COL20A1: variants seen among roughly 807,000 people sequenced by gnomAD.
The protein encoded by COL20A1 is collagen type XX alpha 1 chain.
In COL20A1, 164 loss-of-function variants were observed where a neutral mutation model predicts 152.9. That is an observed-to-expected ratio of 1.07 (90% CI 0.94 to 1.22). The LOEUF is 1.22. Ranked by LOEUF, COL20A1 falls within the 50% of genes most tolerant of loss-of-function variation. The pLI is 0.00. For missense variants in COL20A1, 1,873 were observed against 1,744.8 expected, an observed-to-expected ratio of 1.07 and a Z score of -1.31; for synonymous variants, 864 against 756.0, an observed-to-expected ratio of 1.14 and a Z score of -2.34.
Position 63,312,819 on chromosome 20 carries a change from C to T in COL20A1, c.1961C>T (p.Ser654Phe). 3.8e-6 allele frequency: 6 copies of T among 1,562,938 alleles called. No homozygotes were observed. The highest frequency in any genetic ancestry group is 5.2e-6 in the Non-Finnish European group (6 of 1,153,358). Residue 654 changes from serine to phenylalanine, a missense_variant, in exon 16 of 36, where the codon TCC (serine) becomes TTC (phenylalanine). By Grantham distance (155) the Ser-to-Phe change is radical (BLOSUM62 -2). Coordinates refer to ENST00000358894, the MANE Select transcript of COL20A1 (RefSeq NM_020882.4). ...TKKAPSPSQL[S>F]MTELPGDAVQ... ...AAAGCTCCCAGCCCAAGCCAGCTGT[C>T]CATGACGGAGCTGCCAGGGGATGCA...
At position 63,319,026 on chromosome 20, in the gene COL20A1, T is replaced by C; in HGVS notation, c.2664-32T>C. ...CAGGTTTGGCTGCCCTTGGGTCTGC[T>C]CATGTGCCTCTCCCTCCCCCAACCC... On this transcript the variant is annotated intron_variant, in intron 21 of 35. Transcript: ENST00000358894. This position sits in a 1 kb window ranked among gnomAD's most constrained non-coding sequence, Gnocchi z 4.4. 2 of 1,582,608 alleles carry C rather than the reference T, an allele frequency of 1.3e-6. No homozygotes were observed. The highest frequency in any genetic ancestry group is 1.7e-6 in the Non-Finnish European group (2 of 1,153,358).
Position 63,326,838 on chromosome 20 carries a change from A to G in COL20A1, c.3528+15A>G. On this transcript the variant is annotated intron_variant, in intron 31 of 35. Transcript: ENST00000358894. ...TGGGGCCCACAGTAAGTGCATTTCCAACACCCACCAGCCAACCAAAGGTGG... is the reference window on the plus strand; with the variant it reads ...TGGGGCCCACAGTAAGTGCATTTCCGACACCCACCAGCCAACCAAAGGTGG... The G allele has an allele frequency of 6.7e-7, 1 of 1,487,414 alleles. No homozygotes were observed. Among genetic ancestry groups the G allele is most frequent in the Non-Finnish European group, 8.9e-7 (1 of 1,128,524 alleles). 92.1% of individuals were successfully genotyped at this position (1,487,414 alleles called of 1,614,324 possible).
chr20:63,312,647 G>A (rs1457173505), intron 15 of COL20A1, 98 bp downstream of exon 15: 2 of 1,477,528 alleles, frequency 1.4e-6, no homozygotes, highest in East Asian at 2.3e-5. Context: ...AGCCTGCCCT[G>A]GGTCAGTGCT....
chr20:63,328,217 A>AG, intron 33 of COL20A1, 90 bp downstream of exon 33: 1 of 1,569,092 alleles, frequency 6.4e-7, no homozygotes, highest in South Asian at 1.1e-5. Flanking sequence ...AGGCCGAGGG[A>AG]GGCCGCCTTC....
chr20:63,325,359 C>T (rs758872994), intron 27 of COL20A1, 82 bp from the exon 28 acceptor site: 1 of 1,056,812 alleles, frequency 9.5e-7, no homozygotes, highest in Non-Finnish European at 1.5e-6. Context: ...AGTCCAGGGG[C>T]CTGTGGTAGG....
In COL20A1 at chr20:63,311,744, G is replaced by A. The variant is rs1311610527; in HGVS notation, c.1659G>A (p.Arg553=). The change falls in exon 13 of 36, where the codon AGG becomes AGA. Residue 553 remains arginine (R), a synonymous_variant. Coordinates refer to ENST00000358894, the MANE Select transcript of COL20A1 (RefSeq NM_020882.4). This position sits in a 1 kb window ranked among gnomAD's most constrained non-coding sequence, Gnocchi z 4.4. ...GCGAGGCCCGGGGCATCCGTGCCAG[G>A]ACCCGTGAGTGCTCCAACCCCGGCT... ...EGSEARGIRA[R]TPTLAPPRHL... is the part of the protein sequence containing the mutation. 11 of 1,590,856 alleles carry A rather than the reference G, an allele frequency of 6.9e-6. No individual in the cohort carries two copies. The African/African-American group carries it at 1.5e-4, about 21-fold the overall frequency.
At chr20:63,300,339 T>G (rs2067849475) in intron 3 of COL20A1, among the ~76,000 whole-genome samples, 1 of 152,144 alleles carries the variant, frequency 6.6e-6, no homozygotes, top group South Asian at 2.1e-4. Context: ...CTTCTGGGCT[T>G]GTGGTGTGTG....
chr20:63,310,370 C>G lies in COL20A1; in HGVS notation c.1264-11C>G. 1.2e-6 allele frequency: 2 copies of G among 1,610,872 alleles called. No individual in the cohort carries two copies. Among genetic ancestry groups the G allele is most frequent in the Non-Finnish European group, 1.7e-6 (2 of 1,179,200 alleles). On this transcript the variant is annotated splice_polypyrimidine_tract_variant and intron_variant, in intron 10 of 35. Coordinates refer to ENST00000358894, the MANE Select transcript of COL20A1 (RefSeq NM_020882.4). Reference sequence around the variant, plus strand: ...CCCTTCCTGGCTCCGTCCTTGCCCACTCTGTTCCAGGTGGTGGTGGAGGGA... The same window carrying G: ...CCCTTCCTGGCTCCGTCCTTGCCCAGTCTGTTCCAGGTGGTGGTGGAGGGA...
intron 34 of COL20A1, among the ~76,000 whole-genome samples, chr20:63,328,980 G>A (rs1353711084): frequency 6.6e-6 from 1 of 152,162 alleles, no homozygotes; most frequent in Non-Finnish European, 1.5e-5. Flanking sequence ...TGACTTGGAC[G>A]CTGAGATGGA....
At chr20:63,297,829 G>T in intron 2 of COL20A1, 81 bp from the exon 3 acceptor site, 2 of 1,071,200 alleles carry the variant, frequency 1.9e-6, no homozygotes, top group Non-Finnish European at 2.8e-6. Context: ...AATGCTGAGG[G>T]CAGGATGCCT....
chr20:63,322,059 G>A lies in COL20A1; in HGVS notation c.3242G>A (p.Gly1081Asp). The A allele has an allele frequency of 2.7e-6, 4 of 1,507,902 alleles. No homozygotes were observed. The highest frequency in any genetic ancestry group is 3.5e-6 in the Non-Finnish European group (4 of 1,131,328). 93.4% of individuals were successfully genotyped at this position (1,507,902 alleles called of 1,614,324 possible). ...PGPPGPQGPP[G>D]LPGRNGTPGE... is the part of the protein sequence containing the mutation. ...TTAGCCCTGTTTGTGCCTCTGCAGG[G>A]CCTCCCTGGGAGGAATGGCACCCCA... The change falls in exon 27 of 36, where the codon GGC (glycine) becomes GAC (aspartate). Residue 1081 changes from glycine to aspartate, a missense_variant and splice_region_variant. Coordinates refer to ENST00000358894, the MANE Select transcript of COL20A1 (RefSeq NM_020882.4).
At position 63,319,924 on chromosome 20, in the gene COL20A1, C is replaced by A; in HGVS notation, c.2917-115C>A. 1 of 1,056,320 alleles carries A rather than the reference C, an allele frequency of 9.5e-7. No individual in the cohort carries two copies. Among genetic ancestry groups the A allele is most frequent in the Non-Finnish European group, 1.3e-6 (1 of 745,888 alleles). 65.4% of individuals were successfully genotyped at this position (1,056,320 alleles called of 1,614,324 possible). A position where few individuals can be genotyped will look rare whatever the true frequency, so the allele number is the denominator to read the frequency against. On this transcript the variant is annotated intron_variant, in intron 23 of 35. Transcript: ENST00000358894. The surrounding 1 kb of genome is among the most constrained non-coding windows in gnomAD (Gnocchi z 4.4). ...CCGAAACCTGAGGTGAGGTCAGGTT[C>A]CTGACCCCAGGTCCCAGGGATGGGT...
intron 35 of COL20A1, 68 bp from the exon 36 acceptor site, chr20:63,330,652 C>T (rs1367880825): frequency 1.3e-5 from 2 of 152,414 alleles, no homozygotes; most frequent in Admixed American, 6.5e-5. Flanking sequence ...CAGTGCCAGG[C>T]GCTGGCCCTG....
intron 31 of COL20A1, 117 bp from the exon 32 acceptor site, chr20:63,327,835 C>A: frequency 9.5e-7 from 1 of 1,056,460 alleles, no homozygotes; most frequent in Non-Finnish European, 1.4e-6. Flanking sequence ...GCTTTCACAC[C>A]GCCACTGTGG....
chr20:63,316,275 C>G (rs2123413956), intron 20 of COL20A1, among the ~76,000 whole-genome samples: 1 of 152,170 alleles, frequency 6.6e-6, no homozygotes, highest in African/African-American at 2.4e-5. Flanking sequence ...GGCATTTGGC[C>G]CAGTGATTTA....
Position 63,329,659 on chromosome 20 carries a change from C to G in COL20A1, c.*1C>G, listed in dbSNP as rs1253045912. On this transcript the variant is annotated splice_region_variant and 3_prime_UTR_variant, in exon 35 of 36. Transcript: ENST00000358894. Reference sequence around the variant, plus strand: ...TAGCACCCAGGGCCTCTGGGAGTGACAGGTGAGCCCCTGCTGCCTGCATCT... The same window carrying G: ...TAGCACCCAGGGCCTCTGGGAGTGAGAGGTGAGCCCCTGCTGCCTGCATCT... 3 of 1,581,868 alleles carry G rather than the reference C, an allele frequency of 1.9e-6. No individual in the cohort carries two copies. In the South Asian group the frequency reaches 3.4e-5, roughly 18 times the overall value.
intron 21 of COL20A1, among the ~76,000 whole-genome samples, chr20:63,318,206 G>A (rs770075004): frequency 1.3e-5 from 2 of 152,182 alleles, no homozygotes; most frequent in East Asian, 1.9e-4. Context: ...GTGGACCCCC[G>A]TGAGGGTTGC....
intron 3 of COL20A1, among the ~76,000 whole-genome samples, chr20:63,298,909 G>A (rs1312679689): frequency 6.6e-6 from 1 of 152,208 alleles, no homozygotes; most frequent in Non-Finnish European, 1.5e-5. Context: ...GAAAACGACC[G>A]TCCCGGGTGC....
chr20:63,315,689 C>T (rs898626214), intron 20 of COL20A1, among the ~76,000 whole-genome samples: 21 of 152,082 alleles, frequency 1.4e-4, no homozygotes, highest in Admixed American at 1.2e-3. Flanking sequence ...GCGCTGGGGG[C>T]GCTGGGTCCT....
Sources: gnomAD v4.1 joint callset for allele counts (sites outside exome capture counted in the v4.1 genomes callset) on GRCh38, gnomAD v4.1.1 for gene constraint, Gnocchi (gnomAD v3.1) non-coding constraint, MANE v1.5 for transcripts, NCBI Gene and HGNC (gene_info 2026-07-23, HGNC 2026-07-21) for gene names.